Variants in RAB5B observed in about 807,000 individuals in gnomAD.
RAB5B encodes the protein ras-related protein Rab-5B.
RAB5B carries 11 observed loss-of-function variants against 28.6 expected under a neutral mutation model. The observed-to-expected ratio is 0.38, with a 90% CI of 0.24 to 0.64. The LOEUF (loss-of-function observed/expected upper bound fraction) is 0.64. Ranked by LOEUF, RAB5B falls within the 30% of genes least tolerant of loss-of-function variation. RAB5B has a pLI of 0.53. For missense variants in RAB5B, 169 were observed against 265.6 expected, an observed-to-expected ratio of 0.64 and a Z score of 2.53; for synonymous variants, 93 against 97.9, an observed-to-expected ratio of 0.95 and a Z score of 0.29.
In RAB5B at chr12:55,991,373, A is replaced by G; in HGVS notation, c.452A>G (p.Tyr151Cys). The G allele has an allele frequency of 6.2e-7, 1 of 1,613,908 alleles. No individual in the cohort carries two copies. The highest frequency in any genetic ancestry group is 1.1e-5 in the South Asian group (1 of 91,082). Residue 151 changes from tyrosine to cysteine, a missense_variant, in exon 5 of 6, where the codon TAT becomes TGT. Around this residue, in one of 3 missense-constraint regions of RAB5B, gnomAD observed 123 missense variants for 162.4 expected, o/e 0.76. Transcript: ENST00000360299. ...RMVEYEEAQAYADDNSLLFME... is the reference protein window; with the variant it reads ...RMVEYEEAQACADDNSLLFME... ...CACTCCTTGCAGGAGGCCCAGGCAT[A>G]TGCAGATGACAACAGCTTATTGTTC...
intron 2 of RAB5B, among the ~76,000 whole-genome samples, chr12:55,987,670 A>G (rs1889990540): frequency 6.6e-6 from 1 of 151,690 alleles, no homozygotes; most frequent in African/African-American, 2.4e-5. Flanking sequence ...TCTCTACTAA[A>G]AATACAAAAA....
intron 4 of RAB5B, chr12:55,991,032 G>A (rs1890100020): frequency 5.4e-6 from 3 of 557,670 alleles, no homozygotes; most frequent in Non-Finnish European, 9.4e-6. Context: ...TACCAGCTGT[G>A]GGGGTACCAG....
At chr12:55,978,445 A>G (rs1889706891) in intron 1 of RAB5B, among the ~76,000 whole-genome samples, 2 of 151,992 alleles carry the variant, frequency 1.3e-5, no homozygotes, top group Admixed American at 6.6e-5. Flanking sequence ...CAGAGCTTGC[A>G]GTGAGCCGAG....
At position 55,992,614 on chromosome 12, in the gene RAB5B, C is replaced by A; in HGVS notation, c.*402C>A. On this transcript the variant is annotated 3_prime_UTR_variant, in exon 6 of 6. Transcript: ENST00000360299. ...CTTTTGGTCAGTCCCTGTTCTTGAG[C>A]CTCTTTTCTCCTCTCCCCAGGATGC... The A allele has an allele frequency of 2.3e-6, 1 of 437,792 alleles. No homozygotes were observed. The highest frequency in any genetic ancestry group is 1.7e-5 in the South Asian group (1 of 60,068). The allele number at this position is 437,792 out of a possible 1,614,324, so 27.1% of individuals were successfully genotyped here.
chr12:55,984,406 TC>T (rs1229734659), intron 1 of RAB5B, among the ~76,000 whole-genome samples: 1 of 151,732 alleles, frequency 6.6e-6, no homozygotes, highest in Non-Finnish European at 1.5e-5. Flanking sequence ...GCCAGGCTTG[TC>T]TCAAACTCCT....
At chr12:55,975,324 G>A (rs1389906075) in intron 1 of RAB5B, among the ~76,000 whole-genome samples, 5 of 152,114 alleles carry the variant, frequency 3.3e-5, no homozygotes, top group African/African-American at 1.2e-4. Context: ...GAAGAGATTT[G>A]GGGAAGAGTG....
At chr12:55,988,318 C>T (rs1466952545) in intron 2 of RAB5B, among the ~76,000 whole-genome samples, 2 of 151,958 alleles carry the variant, frequency 1.3e-5, no homozygotes, top group Non-Finnish European at 2.9e-5. Context: ...GGCGAAGGAG[C>T]GAGACTGTTT....
intron 1 of RAB5B, among the ~76,000 whole-genome samples, chr12:55,984,563 A>G (rs539438979): frequency 4.6e-5 from 7 of 151,826 alleles, no homozygotes; most frequent in Non-Finnish European, 1.0e-4. Flanking sequence ...TGCACCCTCT[A>G]CCTTCTGGGT....
intron 1 of RAB5B, among the ~76,000 whole-genome samples, chr12:55,983,181 C>T (rs543775954): frequency 4.6e-5 from 7 of 151,942 alleles, no homozygotes; most frequent in Admixed American, 1.3e-4. Context: ...TGGGTTCAAG[C>T]GATTCTCCTG....
rs1328097329 is a variant in RAB5B, at chr12:55,993,610, GTCTGT to G, written c.*1402_*1406del. ...GTATGATCTTTATTCCCACTGTACA[GTCTGT>G]TCTATCCTCTGCCTCCCATCAGGCC... On this transcript the variant is annotated 3_prime_UTR_variant, in exon 6 of 6. Coordinates refer to ENST00000360299, the MANE Select transcript of RAB5B (RefSeq NM_002868.4). The G allele has an allele frequency of 6.6e-6, 1 of 152,602 alleles. No individual in the cohort carries two copies. The allele number at this position is 152,602 out of a possible 1,614,324, so 9.5% of individuals were successfully genotyped here.
At chr12:55,979,108 C>T (rs1306609539) in intron 1 of RAB5B, among the ~76,000 whole-genome samples, 1 of 152,072 alleles carries the variant, frequency 6.6e-6, no homozygotes, top group Non-Finnish European at 1.5e-5. Context: ...ACCCTACGGG[C>T]CTCTAGAGAA....
At chr12:55,987,926 C>T (rs1889999815) in intron 2 of RAB5B, among the ~76,000 whole-genome samples, 1 of 151,856 alleles carries the variant, frequency 6.6e-6, no homozygotes, top group Admixed American at 6.6e-5. Context: ...GCAGGCGGAT[C>T]ACTTGAGGCC....
In RAB5B at chr12:55,986,999, C is replaced by G; in HGVS notation, c.39C>G (p.Pro13=). The G allele has an allele frequency of 6.2e-7, 1 of 1,613,074 alleles. No individual in the cohort carries two copies. Among genetic ancestry groups the G allele is most frequent in the Non-Finnish European group, 8.5e-7 (1 of 1,179,734 alleles). ...SRSTARPNGQ[P]QASKICQFKL... is the part of the protein sequence containing the mutation. Reference sequence around the variant, plus strand: ...GCACAGCTAGGCCCAATGGGCAACCCCAGGCCAGCAAAATTTGCCAGTTCA... The same window carrying G: ...GCACAGCTAGGCCCAATGGGCAACCGCAGGCCAGCAAAATTTGCCAGTTCA... Residue 13 remains proline (P), a synonymous_variant, in exon 2 of 6, where the codon CCC becomes CCG. Transcript: ENST00000360299.
intron 2 of RAB5B, among the ~76,000 whole-genome samples, chr12:55,988,942 T>A: frequency 7.1e-6 from 1 of 141,536 alleles, no homozygotes; most frequent in Admixed American, 7.0e-5. Context: ...ATTCTTTTTT[T>A]TTTTTTTTTT....
Position 55,989,927 on chromosome 12 carries a change from C to G in RAB5B, c.164-20C>G. On this transcript the variant is annotated intron_variant, in intron 2 of 5. Coordinates refer to ENST00000360299, the MANE Select transcript of RAB5B (RefSeq NM_002868.4). ...ATCCTCCCACTTACAGCATCTTCCC[C>G]TCCATTCTCTCATCCATAGCGGCCT... 6.2e-7 allele frequency: 1 copy of G among 1,604,610 alleles called. No individual in the cohort carries two copies. The highest frequency in any genetic ancestry group is 1.1e-5 in the South Asian group (1 of 90,910).
chr12:55,990,906 T>G (rs1890096128), intron 4 of RAB5B, 102 bp downstream of exon 4: 1 of 1,413,648 alleles, frequency 7.1e-7, no homozygotes, highest in Admixed American at 1.9e-5. Context: ...AGGACATTCA[T>G]TGTCTCATTC....
At chr12:55,976,717 T>C (rs1889655241) in intron 1 of RAB5B, among the ~76,000 whole-genome samples, 1 of 152,218 alleles carries the variant, frequency 6.6e-6, no homozygotes, top group African/African-American at 2.4e-5. Flanking sequence ...TAGGCTGGAG[T>C]ACAGTGTGTG....
At chr12:55,988,189 G>T (rs185070758) in intron 2 of RAB5B, among the ~76,000 whole-genome samples, 185 of 152,034 alleles carry the variant, frequency 1.2e-3, no homozygotes, top group Non-Finnish European at 2.1e-3. Flanking sequence ...AAGATTAGCC[G>T]GGCATGGTGG....
Position 55,993,023 on chromosome 12 carries a change from A to T in RAB5B, c.*811A>T, listed in dbSNP as rs1319020427. The T allele has an allele frequency of 1.1e-5, 2 of 175,020 alleles. No individual in the cohort carries two copies. Among genetic ancestry groups the T allele is most frequent in the East Asian group, 3.8e-4 (2 of 5,290 alleles). The allele number at this position is 175,020 out of a possible 1,614,324, so 10.8% of individuals were successfully genotyped here. A position where few individuals can be genotyped will look rare whatever the true frequency, so the allele number is the denominator to read the frequency against. Reference sequence around the variant, plus strand: ...GTTGGACCCCAGAGTCTTCCAAAGAATTTTCACTGGTTGCCTGCATCTTTG... The same window carrying T: ...GTTGGACCCCAGAGTCTTCCAAAGATTTTTCACTGGTTGCCTGCATCTTTG... On this transcript the variant is annotated 3_prime_UTR_variant, in exon 6 of 6. Transcript: ENST00000360299.
Sources: gnomAD v4.1 joint callset for allele counts (sites outside exome capture counted in the v4.1 genomes callset) on GRCh38, gnomAD v4.1.1 for gene constraint, gnomAD v4.1.1 regional missense constraint, MANE v1.5 for transcripts, NCBI Gene and HGNC (gene_info 2026-07-23, HGNC 2026-07-21) for gene names.